Variants in CHODL observed in about 807,000 individuals in gnomAD.
CHODL encodes the protein transmembrane protein MT75.
In CHODL, 29 loss-of-function variants were observed where a neutral mutation model predicts 34.5. The ratio of observed to expected loss-of-function variants is 0.84; its 90% CI spans 0.63 to 1.15. CHODL has a LOEUF of 1.15. CHODL is among the 50% of genes most tolerant of loss of function. The pLI is 0.00. For missense variants in CHODL, 332 were observed against 332.5 expected (o/e 1.00, Z 0.01); for synonymous variants, 125 against 116.1 (o/e 1.08, Z -0.49).
chr21:18,102,989 G>T (rs561028225), intron 2 of CHODL, among the ~76,000 whole-genome samples: 1 of 152,258 alleles, frequency 6.6e-6, no homozygotes, highest in South Asian at 2.1e-4. Context: ...CCAAACCAAA[G>T]ATAGATTATT....
chr21:18,060,449 C>CAAGT (rs1555858922), intron 2 of CHODL, among the ~76,000 whole-genome samples: 1 of 149,046 alleles, frequency 6.7e-6, no homozygotes, highest in African/African-American at 2.6e-5. Context: ...GACTCTGTCT[C>CAAGT]AAATAAATAA....
At chr21:18,156,051 T>C (rs1266390223) in intron 2 of CHODL, among the ~76,000 whole-genome samples, 1 of 152,158 alleles carries the variant, frequency 6.6e-6, no homozygotes, top group African/African-American at 2.4e-5. Flanking sequence ...CAATGGGAAA[T>C]TCTCTGCTGA....
exon 2 of CHODL, chr21:18,027,960 G>A (rs563551503): frequency 6.6e-6 from 1 of 152,540 alleles, no homozygotes; most frequent in African/African-American, 2.4e-5. Flanking sequence ...TGAACTTCTA[G>A]CCTCCAGAAC....
At chr21:18,245,353 G>A in intron 1 of CHODL, 51 bp downstream of exon 1, 1 of 1,413,822 alleles carries the variant, frequency 7.1e-7, no homozygotes, top group Non-Finnish European at 9.4e-7. Context: ...GGGGACCACG[G>A]GGCGCGGCGG....
intron 2 of CHODL, among the ~76,000 whole-genome samples, chr21:18,208,235 T>A (rs2073735402): frequency 6.6e-6 from 1 of 151,598 alleles, no homozygotes; most frequent in Admixed American, 6.6e-5. Context: ...GCTTACCAAT[T>A]CTTTCTTCTG....
chr21:18,201,960 A>G (rs1167363511), intron 2 of CHODL, among the ~76,000 whole-genome samples: 4 of 151,818 alleles, frequency 2.6e-5, no homozygotes, highest in African/African-American at 4.8e-5. Flanking sequence ...GACCGCCACC[A>G]CACTCGACTA....
chr21:18,067,866 T>C (rs2064750160), intron 2 of CHODL, among the ~76,000 whole-genome samples: 1 of 152,188 alleles, frequency 6.6e-6, no homozygotes, highest in Non-Finnish European at 1.5e-5. Context: ...AAAGGTCATT[T>C]GTGATGGATT....
At chr21:17,977,585 C>T (rs1900412240) in intron 1 of CHODL, among the ~76,000 whole-genome samples, 1 of 147,368 alleles carries the variant, frequency 6.8e-6, no homozygotes, top group Admixed American at 6.7e-5. Flanking sequence ...TGGTCTCGAT[C>T]TCTTGACCTC....
chr21:17,977,168 A>G (rs1248182213), intron 1 of CHODL, among the ~76,000 whole-genome samples: 1 of 152,128 alleles, frequency 6.6e-6, no homozygotes, highest in East Asian at 1.9e-4. Context: ...CTTCCCATTT[A>G]TAGATGAGGA....
At position 18,086,985 on chromosome 21, in the gene CHODL, C is replaced by A. The variant is rs529358392; in HGVS notation, c.-45+59014C>A. On this transcript the variant is annotated intron_variant, in intron 2 of 6. Coordinates refer to the CHODL transcript ENST00000400127. ...GACCCAAGCAGTCCATGTGGGTGTTCCTGGTAGCTGTGATAGGTTGGGTGA... is the reference window on the plus strand; with the variant it reads ...GACCCAAGCAGTCCATGTGGGTGTTACTGGTAGCTGTGATAGGTTGGGTGA... Among the ~76,000 whole-genome samples, 179 of 152,204 alleles carry A rather than the reference C, an allele frequency of 1.2e-3. 1 individual carries two copies. The highest frequency in any genetic ancestry group is 4.2e-3 in the African/African-American group (174 of 41,522).
intron 2 of CHODL, among the ~76,000 whole-genome samples, chr21:18,048,142 G>A (rs1324093748): frequency 1.3e-5 from 2 of 151,910 alleles, no homozygotes; most frequent in African/African-American, 4.8e-5. Context: ...GACAAATAGT[G>A]AAAGAGGCCA....
chr21:18,041,306 A>G (rs1457286021), intron 2 of CHODL, among the ~76,000 whole-genome samples: 1 of 151,924 alleles, frequency 6.6e-6, no homozygotes, highest in African/African-American at 2.4e-5. Context: ...GGACTTGGGT[A>G]AGTTACTTAA....
intron 2 of CHODL, among the ~76,000 whole-genome samples, chr21:18,133,086 A>T (rs542005961): frequency 7.9e-5 from 12 of 152,060 alleles, no homozygotes; most frequent in East Asian, 3.9e-4. Flanking sequence ...ATAATAATAA[A>T]AAAAAAGACT....
intron 2 of CHODL, among the ~76,000 whole-genome samples, chr21:18,098,174 C>T (rs1157089435): frequency 6.6e-6 from 1 of 151,928 alleles, no homozygotes; most frequent in African/African-American, 2.4e-5. Context: ...AGTAATACCC[C>T]ACAAGCACAG....
chr21:18,221,948 C>T (rs760970784), intron 2 of CHODL, among the ~76,000 whole-genome samples: 2 of 152,274 alleles, frequency 1.3e-5, no homozygotes, highest in Admixed American at 6.5e-5. Flanking sequence ...ATGAGAGGTA[C>T]CCATAAGCAC....
chr21:17,936,464 TA>T (rs11294493), intron 1 of CHODL, among the ~76,000 whole-genome samples: 10,013 of 143,052 alleles, frequency 0.07, 854 homozygotes, highest in African/African-American at 0.21. Flanking sequence ...AAGATGATGT[TA>T]AAAAAAAAAA....
chr21:18,233,674 C>A (rs140444962), intron 2 of CHODL, among the ~76,000 whole-genome samples: 4 of 151,916 alleles, frequency 2.6e-5, no homozygotes, highest in East Asian at 1.9e-4. Flanking sequence ...ATATTTGGGG[C>A]CTTTTTTTAA....
chr21:18,027,338 T>G (rs1165986090), intron 1 of CHODL, among the ~76,000 whole-genome samples: 1 of 152,182 alleles, frequency 6.6e-6, no homozygotes, highest in Non-Finnish European at 1.5e-5. Flanking sequence ...TTCATTAGTT[T>G]TTTAATAGCA....
intron 2 of CHODL, among the ~76,000 whole-genome samples, chr21:18,225,451 GTAT>G (rs983480506): frequency 8.6e-5 from 13 of 152,002 alleles, no homozygotes; most frequent in African/African-American, 2.9e-4. Context: ...ACTTAATTAT[GTAT>G]TATTATTCTA....
Sources: gnomAD v4.1 joint callset for allele counts (sites outside exome capture counted in the v4.1 genomes callset) on GRCh38, gnomAD v4.1.1 for gene constraint, MANE v1.5 for transcripts, NCBI Gene and HGNC (gene_info 2026-07-23, HGNC 2026-07-21) for gene names.